KDM4D: variants seen among roughly 807,000 people sequenced by gnomAD.
The protein encoded by KDM4D is lysine demethylase 4D, also known as lysine-specific demethylase 4D.
For missense variants in KDM4D, 427 were observed against 674.8 expected (o/e 0.63, Z 4.07); for synonymous variants, 254 against 249.1 (o/e 1.02, Z -0.19).
In KDM4D at chr11:94,983,323, AG is replaced by A. The variant is rs587601251; in HGVS notation, c.-350+7577del. Among the ~76,000 whole-genome samples the A allele has an allele frequency of 2.4e-3, 361 of 152,154 alleles. 4 individuals are homozygous for A. Among genetic ancestry groups the A allele is most frequent in the African/African-American group, 8.1e-3 (335 of 41,556 alleles). Reference sequence around the variant, plus strand: ...TACAATAACACACAGTATTCTAAATAGGCAAAACAAATAAAAGTGAAAAGCA... The same window carrying A: ...TACAATAACACACAGTATTCTAAATAGCAAAACAAATAAAAGTGAAAAGCA... On this transcript the variant is annotated intron_variant, in intron 2 of 2. Coordinates refer to ENST00000335080, the MANE Select transcript of KDM4D (RefSeq NM_018039.3).
rs1857771130 is a variant in KDM4D at position 94,973,879 on chromosome 11, G to C, written c.-634G>C. The C allele has an allele frequency of 6.6e-6, 1 of 152,270 alleles. No individual in the cohort carries two copies. The highest frequency in any genetic ancestry group is 1.5e-5 in the Non-Finnish European group (1 of 68,072). 9.4% of individuals were successfully genotyped at this position (152,270 alleles called of 1,614,324 possible). On this transcript the variant is annotated 5_prime_UTR_variant, in exon 1 of 3. Coordinates refer to ENST00000335080, the MANE Select transcript of KDM4D (RefSeq NM_018039.3). Reference sequence around the variant, plus strand: ...CCCGGGTAGCCGACACCACGTCCCCGGCTAGCGGGAGAGAGCGTGGAAAAG... The same window carrying C: ...CCCGGGTAGCCGACACCACGTCCCCCGCTAGCGGGAGAGAGCGTGGAAAAG...
Position 94,998,980 on chromosome 11 carries a change from G to A in KDM4D, c.*36G>A. 2 of 1,472,844 alleles carry A rather than the reference G, an allele frequency of 1.4e-6. No homozygotes were observed. The highest frequency in any genetic ancestry group is 1.6e-5 in the South Asian group (1 of 62,052). The allele number at this position is 1,472,844 out of a possible 1,614,324, so 91.2% of individuals were successfully genotyped here. A position where few individuals can be genotyped will look rare whatever the true frequency, so the allele number is the denominator to read the frequency against. On this transcript the variant is annotated 3_prime_UTR_variant, in exon 3 of 3. Transcript: ENST00000335080. This position sits in a 1 kb window ranked among gnomAD's most constrained non-coding sequence, Gnocchi z 6.7. ...TGTCTTTATATCCCACTGCCCTGCT[G>A]TGTGACAGTTTGATGAAACTGGTTA...
rs782018395 is a variant in KDM4D, at chr11:94,997,068, G to A, written c.-305G>A. 3.6e-5 allele frequency: 8 copies of A among 221,478 alleles called. No individual in the cohort carries two copies. The highest frequency in any genetic ancestry group is 9.5e-5 in the East Asian group (1 of 10,542). 13.7% of individuals were successfully genotyped at this position (221,478 alleles called of 1,614,324 possible). Reference sequence around the variant, plus strand: ...GGACATTCTCTGCTACATTTGGGTCGTACCCCCAGGTCTGAGTAATTCAAT... The same window carrying A: ...GGACATTCTCTGCTACATTTGGGTCATACCCCCAGGTCTGAGTAATTCAAT... On this transcript the variant is annotated 5_prime_UTR_variant, in exon 3 of 3. Coordinates refer to ENST00000335080, the MANE Select transcript of KDM4D (RefSeq NM_018039.3).
chr11:94,983,110 T>G (rs1857855705), intron 2 of KDM4D, among the ~76,000 whole-genome samples: 1 of 151,908 alleles, frequency 6.6e-6, no homozygotes, highest in Non-Finnish European at 1.5e-5. Flanking sequence ...GTATAAAGCT[T>G]TAGTAATTAA....
At chr11:94,983,126 T>C (rs587664223) in intron 2 of KDM4D, among the ~76,000 whole-genome samples, 2 of 152,106 alleles carry the variant, frequency 1.3e-5, no homozygotes, top group South Asian at 4.1e-4. Flanking sequence ...ATTAAAACAA[T>C]CTAACATTGG....
At chr11:94,989,380 G>A (rs1857914463) in intron 2 of KDM4D, among the ~76,000 whole-genome samples, 1 of 152,182 alleles carries the variant, frequency 6.6e-6, no homozygotes. Context: ...GATTCAGCAG[G>A]AAGACTTCTG....
At chr11:94,985,563 C>T (rs1308791588) in intron 2 of KDM4D, among the ~76,000 whole-genome samples, 4 of 151,758 alleles carry the variant, frequency 2.6e-5, no homozygotes, top group African/African-American at 9.7e-5. Flanking sequence ...CTTTTTTCCC[C>T]CAGAAATTAA....
chr11:94,995,788 A>G (rs1555099154), intron 2 of KDM4D, among the ~76,000 whole-genome samples: 1 of 152,158 alleles, frequency 6.6e-6, no homozygotes, highest in Non-Finnish European at 1.5e-5. Context: ...TTCCTTTTTT[A>G]TCCAGGATAG....
chr11:94,984,157 A>G (rs1857865112), intron 2 of KDM4D, among the ~76,000 whole-genome samples: 1 of 152,276 alleles, frequency 6.6e-6, no homozygotes, highest in East Asian at 1.9e-4. Flanking sequence ...GCGTGTATGT[A>G]TATATGAATA....
chr11:94,975,150 C>G (rs901166036), intron 1 of KDM4D, among the ~76,000 whole-genome samples: 1 of 152,128 alleles, frequency 6.6e-6, no homozygotes, highest in East Asian at 1.9e-4. Flanking sequence ...ACTAGCTTTT[C>G]TCTGTTGCCT....
chr11:94,983,272 TAA>T (rs34326231), intron 2 of KDM4D, among the ~76,000 whole-genome samples: 3 of 139,560 alleles, frequency 2.1e-5, no homozygotes, highest in Admixed American at 7.1e-5. Flanking sequence ...CTGGATTTCT[TAA>T]AAAAAAAAAA....
intron 2 of KDM4D, among the ~76,000 whole-genome samples, chr11:94,983,848 A>G (rs1857862483): frequency 6.6e-6 from 1 of 152,176 alleles, no homozygotes; most frequent in Non-Finnish European, 1.5e-5. Context: ...AGAAACTCCT[A>G]TTAGTACATA....
intron 2 of KDM4D, among the ~76,000 whole-genome samples, chr11:94,978,363 A>G (rs1265769850): frequency 1.3e-5 from 2 of 152,212 alleles, no homozygotes; most frequent in African/African-American, 2.4e-5. Context: ...AAATAATGAA[A>G]TCTACTTCAA....
intron 2 of KDM4D, among the ~76,000 whole-genome samples, chr11:94,979,130 A>G (rs1483233638): frequency 6.6e-6 from 1 of 152,246 alleles, no homozygotes; most frequent in African/African-American, 2.4e-5. Flanking sequence ...AGCAGAATAT[A>G]TATTCTTTTC....
chr11:94,997,340 A>G lies in KDM4D; in HGVS notation c.-33A>G. On this transcript the variant is annotated 5_prime_UTR_variant, in exon 3 of 3. Coordinates refer to ENST00000335080, the MANE Select transcript of KDM4D (RefSeq NM_018039.3). ...TCCTACATTGTCAACTATCTAGAAC[A>G]TACCTAAAAACTAAGAGTTTACTGC... The G allele has an allele frequency of 6.5e-7, 1 of 1,536,952 alleles. No homozygotes were observed.
chr11:94,986,749 CTG>C (rs141714102), intron 2 of KDM4D, among the ~76,000 whole-genome samples: 16,707 of 152,184 alleles, frequency 0.11, 1,014 homozygotes, highest in Middle Eastern at 0.2. Context: ...CTTTGAAAAA[CTG>C]TGTAGCAATT....
At chr11:94,979,871 C>G (rs1194744724) in intron 2 of KDM4D, among the ~76,000 whole-genome samples, 2 of 152,084 alleles carry the variant, frequency 1.3e-5, no homozygotes, top group African/African-American at 4.8e-5. Flanking sequence ...ATAATCTCAC[C>G]ACACTTGATT....
intron 2 of KDM4D, among the ~76,000 whole-genome samples, chr11:94,989,026 C>T (rs1857911793): frequency 6.6e-6 from 1 of 152,058 alleles, no homozygotes; most frequent in African/African-American, 2.4e-5. Context: ...TGATTCAGTA[C>T]CAGATGTGTT....
intron 2 of KDM4D, among the ~76,000 whole-genome samples, chr11:94,982,794 A>G (rs1182446430): frequency 1.3e-5 from 2 of 152,014 alleles, no homozygotes; most frequent in African/African-American, 4.8e-5. Context: ...GTTTTATCTA[A>G]GAAAACAGAT....
Sources: allele counts gnomAD v4.1 joint callset (sites outside exome capture counted in the v4.1 genomes callset), GRCh38; gene constraint gnomAD v4.1.1; non-coding constraint Gnocchi (gnomAD v3.1); transcripts MANE v1.5; gene names NCBI Gene and HGNC (gene_info 2026-07-23, HGNC 2026-07-21).